Variants in FAM114A2 observed in about 807,000 individuals in gnomAD.
The protein encoded by FAM114A2 is protein FAM114A2.
FAM114A2 carries 53 observed loss-of-function variants against 58.4 expected under a neutral mutation model. That is an observed-to-expected ratio of 0.91 (90% CI 0.73 to 1.14). The LOEUF (loss-of-function observed/expected upper bound fraction) is 1.14. Ranked by LOEUF, FAM114A2 falls within the 50% of genes most tolerant of loss-of-function variation. The pLI, the probability that FAM114A2 is intolerant of heterozygous loss-of-function variation, is 0.00. For synonymous variants in FAM114A2, 228 were observed against 211.4 expected, an observed-to-expected ratio of 1.08 and a Z score of -0.68; for missense variants, 601 against 581.1, an observed-to-expected ratio of 1.03 and a Z score of -0.35.
Position 153,992,860 on chromosome 5 carries a change from C to G in FAM114A2, c.*116G>C. On this transcript the variant is annotated 3_prime_UTR_variant, in exon 14 of 14. Coordinates refer to ENST00000351797, the MANE Select transcript of FAM114A2 (RefSeq NM_018691.4). Reference sequence around the variant, plus strand: ...CAATCTTCCTCTTTAAACCATCTCTCCTGCCTGAATTTTTATATACTAAAA... The same window carrying G: ...CAATCTTCCTCTTTAAACCATCTCTGCTGCCTGAATTTTTATATACTAAAA... 1.1e-6 allele frequency: 1 copy of G among 883,616 alleles called. No individual in the cohort carries two copies. The highest frequency in any genetic ancestry group is 2.2e-5 in the South Asian group (1 of 45,298). 54.7% of individuals were successfully genotyped at this position (883,616 alleles called of 1,614,324 possible). A position where few individuals can be genotyped will look rare whatever the true frequency, so the allele number is the denominator to read the frequency against.
intron 8 of FAM114A2, among the ~76,000 whole-genome samples, chr5:154,019,360 A>G (rs969703354): frequency 1.3e-4 from 20 of 152,188 alleles, no homozygotes; most frequent in Non-Finnish European, 2.9e-4. Context: ...AAAACTACAA[A>G]ACACTGCTGA....
At chr5:154,029,647 C>T in intron 4 of FAM114A2, 67 bp from the exon 5 acceptor site, 1 of 852,032 alleles carries the variant, frequency 1.2e-6, no homozygotes, top group South Asian at 1.5e-5. Context: ...TTATTAGCAT[C>T]TATGTGAATT....
At position 154,034,833 on chromosome 5, in the gene FAM114A2, T is replaced by C. The variant is rs1257383712; in HGVS notation, c.121A>G (p.Ser41Gly). ...GTGGAAACTACAGGTTCTGATTTAC[T>C]CTCTGGTTTGGCACCTTGGTCAACA... ...ESVDQGAKPE[S>G]KSEPVVSTRK... The change falls in exon 2 of 14, where the codon AGT becomes GGT. Residue 41 changes from serine to glycine, a missense_variant. Physicochemically the swap from Ser to Gly is moderately conservative, Grantham distance 56. Coordinates refer to ENST00000351797, the MANE Select transcript of FAM114A2 (RefSeq NM_018691.4). 2 of 1,614,042 alleles carry C rather than the reference T, an allele frequency of 1.2e-6. No homozygotes were observed. The highest frequency in any genetic ancestry group is 2.2e-5 in the South Asian group (2 of 91,086).
rs1769317273 is a variant in FAM114A2 at position 153,992,823 on chromosome 5, C to A, written c.*153G>T. On this transcript the variant is annotated 3_prime_UTR_variant, in exon 14 of 14. Coordinates refer to ENST00000351797, the MANE Select transcript of FAM114A2 (RefSeq NM_018691.4). ...TGAGAACCTGAATACTTCAATCAAA[C>A]ACTGAAGGCAACAATCTTCCTCTTT... 5.5e-6 allele frequency: 3 copies of A among 549,928 alleles called. No individual in the cohort carries two copies. The African/African-American group carries it at 5.7e-5, about 10-fold the overall frequency. The allele number at this position is 549,928 out of a possible 1,614,324, so 34.1% of individuals were successfully genotyped here.
chr5:154,003,078 C>T, intron 9 of FAM114A2, 109 bp from the exon 10 acceptor site: 1 of 870,158 alleles, frequency 1.1e-6, no homozygotes, highest in East Asian at 2.4e-5. Flanking sequence ...CCTGTTCTTA[C>T]CTGAACGTAC....
chr5:154,011,315 C>T lies in FAM114A2; in HGVS notation c.919G>A (p.Glu307Lys). 1.2e-6 allele frequency: 2 copies of T among 1,611,556 alleles called. No individual in the cohort carries two copies. The highest frequency in any genetic ancestry group is 1.7e-6 in the Non-Finnish European group (2 of 1,178,476). The stretch of plus-strand genomic sequence containing the variant: ...TCTGTTATGTCCTTGGTAAAATCTT[C>T]ATCCCCTAAAAAACCAAGTCCCATA... ...EEEEEEKKGD[E>K]DFTKDITELF... is the part of the protein sequence containing the mutation. Residue 307 changes from glutamate to lysine, a missense_variant, in exon 9 of 14, where the codon GAA becomes AAA. Transcript: ENST00000351797.
chr5:154,013,846 C>T (rs1280722275), intron 8 of FAM114A2, among the ~76,000 whole-genome samples: 1 of 152,164 alleles, frequency 6.6e-6, no homozygotes, highest in Non-Finnish European at 1.5e-5. Flanking sequence ...TTTATTTATG[C>T]CCTCCTAATA....
intron 1 of FAM114A2, chr5:154,038,302 G>A (rs536565678): frequency 5.3e-4 from 81 of 152,234 alleles, no homozygotes; most frequent in African/African-American, 1.7e-3. Context: ...CCAAAATGAA[G>A]AGCAGTACAG....
In FAM114A2 at chr5:154,027,968, G is replaced by C. The variant is rs77279974; in HGVS notation, c.630+181C>G. Among the ~76,000 whole-genome samples, 523 of 152,294 alleles carry C rather than the reference G, an allele frequency of 3.4e-3. 7 individuals are homozygous for C. Among genetic ancestry groups the C allele is most frequent in the African/African-American group, 0.012 (495 of 41,556 alleles). ...TCCTGCAGAAAGAGGAGGAGAAAAA[G>C]AGCTGGGTATTTTTGTAAGCAGTAG... On this transcript the variant is annotated intron_variant, in intron 6 of 13. Coordinates refer to ENST00000351797, the MANE Select transcript of FAM114A2 (RefSeq NM_018691.4).
intron 4 of FAM114A2, among the ~76,000 whole-genome samples, chr5:154,031,411 A>T (rs1168194988): frequency 6.6e-6 from 1 of 150,648 alleles, no homozygotes; most frequent in African/African-American, 2.4e-5. Context: ...CTTTAAAGGA[A>T]GAAAACAAAA....
chr5:154,037,607 G>C (rs982200325), intron 1 of FAM114A2, among the ~76,000 whole-genome samples: 1 of 152,008 alleles, frequency 6.6e-6, no homozygotes, highest in African/African-American at 2.4e-5. Context: ...AGGTTGCAAC[G>C]CATCATTATC....
chr5:154,018,262 T>C (rs931010987), intron 8 of FAM114A2, among the ~76,000 whole-genome samples: 1 of 152,146 alleles, frequency 6.6e-6, no homozygotes, highest in Non-Finnish European at 1.5e-5. Context: ...CAAAAGATCA[T>C]TCATGGCTGC....
intron 4 of FAM114A2, among the ~76,000 whole-genome samples, chr5:154,030,669 C>T (rs777548245): frequency 6.6e-6 from 1 of 152,206 alleles, no homozygotes; most frequent in Non-Finnish European, 1.5e-5. Context: ...TCGGAATTTG[C>T]AGGTCAGAAA....
At chr5:153,998,611 G>A (rs1365319574) in intron 11 of FAM114A2, among the ~76,000 whole-genome samples, 1 of 152,162 alleles carries the variant, frequency 6.6e-6, no homozygotes, top group African/African-American at 2.4e-5. Context: ...GCCCTCACCA[G>A]AAGTCAAGCA....
intron 8 of FAM114A2, among the ~76,000 whole-genome samples, chr5:154,011,717 A>G (rs1770711915): frequency 6.8e-6 from 1 of 146,670 alleles, no homozygotes; most frequent in Non-Finnish European, 1.5e-5. Context: ...GCATAGACTA[A>G]GCAAGTACTG....
In FAM114A2 at chr5:154,033,848, T is replaced by C. The variant is rs989234193; in HGVS notation, c.346A>G (p.Thr116Ala). 4 of 1,611,106 alleles carry C rather than the reference T, an allele frequency of 2.5e-6. No homozygotes were observed. In the African/African-American group the frequency reaches 4.0e-5, roughly 16 times the overall value. ...CTGGGACCAGGGATTCCAAGGGAAG[T>C]CTCTGCCTTCTCGATGACATTTGAA... ...GISNVIEKAE[T>A]SLGIPGPSEI... The change falls in exon 4 of 14, where the codon ACT (threonine) becomes GCT (alanine). Residue 116 changes from threonine to alanine, a missense_variant. By Grantham distance (58) the Thr-to-Ala change is moderately conservative (BLOSUM62 0). Coordinates refer to ENST00000351797, the MANE Select transcript of FAM114A2 (RefSeq NM_018691.4).
At position 153,991,329 on chromosome 5, in the gene FAM114A2, T is replaced by C. The variant is rs1331360001; in HGVS notation, c.*1647A>G. On this transcript the variant is annotated 3_prime_UTR_variant, in exon 14 of 14. Transcript: ENST00000351797. ...ATTGTACAAGAGGCTGAACAGACAG[T>C]AGGCAGAGTGACCAGTTTCTAAACT... The C allele has an allele frequency of 6.6e-6, 1 of 152,182 alleles. No individual in the cohort carries two copies. The highest frequency in any genetic ancestry group is 1.5e-5 in the Non-Finnish European group (1 of 68,026). The allele number at this position is 152,182 out of a possible 1,614,324, so 9.4% of individuals were successfully genotyped here. A position where few individuals can be genotyped will look rare whatever the true frequency, so the allele number is the denominator to read the frequency against.
intron 4 of FAM114A2, among the ~76,000 whole-genome samples, chr5:154,031,102 A>C (rs1179341703): frequency 6.6e-6 from 1 of 152,010 alleles, no homozygotes; most frequent in East Asian, 1.9e-4. Context: ...ACTTGAGGTC[A>C]GGAGTTTGAG....
intron 8 of FAM114A2, among the ~76,000 whole-genome samples, chr5:154,015,283 T>A (rs1006954406): frequency 6.6e-6 from 1 of 152,182 alleles, no homozygotes; most frequent in African/African-American, 2.4e-5. Flanking sequence ...AGCTGATGCT[T>A]TCTTGAAAGT....
Sources: allele counts gnomAD v4.1 joint callset (sites outside exome capture counted in the v4.1 genomes callset), GRCh38; gene constraint gnomAD v4.1.1; transcripts MANE v1.5; gene names NCBI Gene and HGNC (gene_info 2026-07-23, HGNC 2026-07-21).